The following SLC23A2 variants were observed in gnomAD, a reference collection of about 807,000 sequenced individuals.
SLC23A2 encodes the protein solute carrier family 23 member 2, also known as Na(+)/L-ascorbic acid transporter 2.
In SLC23A2, 36 loss-of-function variants were observed where a neutral mutation model predicts 73.3. That is an observed-to-expected ratio of 0.49 (90% CI 0.38 to 0.65). The LOEUF is 0.65. SLC23A2 is among the 30% of genes least tolerant of loss of function. The pLI is 0.00. For missense variants in SLC23A2, 507 were observed against 841.6 expected (o/e 0.60, Z 4.92); for synonymous variants, 343 against 327.3 (o/e 1.05, Z -0.52).
intron 8 of SLC23A2, among the ~76,000 whole-genome samples, chr20:4,884,300 C>T (rs4987219): frequency 6.6e-6 from 1 of 152,140 alleles, no homozygotes; most frequent in East Asian, 1.9e-4. Flanking sequence ...TTATCTCACA[C>T]GTTTTGGAAA....
intron 2 of SLC23A2, among the ~76,000 whole-genome samples, chr20:4,935,343 A>T (rs2086946035): frequency 6.6e-6 from 1 of 152,130 alleles, no homozygotes; most frequent in Non-Finnish European, 1.5e-5. Context: ...CAGAGCCTAA[A>T]ATGCCACATC....
chr20:4,943,012 G>A (rs1295591104), intron 2 of SLC23A2, among the ~76,000 whole-genome samples: 6 of 151,664 alleles, frequency 4.0e-5, no homozygotes, highest in Admixed American at 6.6e-5. Flanking sequence ...CCAAGAGTTC[G>A]AGATCAGCCT....
At chr20:4,930,405 A>G (rs138044202) in intron 3 of SLC23A2, among the ~76,000 whole-genome samples, 43 of 152,342 alleles carry the variant, frequency 2.8e-4, no homozygotes, top group African/African-American at 1.0e-3. Flanking sequence ...TCATTATAGG[A>G]AAAAAGAAAA....
intron 3 of SLC23A2, among the ~76,000 whole-genome samples, chr20:4,932,108 AAT>A (rs1932796823): frequency 6.6e-6 from 1 of 152,220 alleles, no homozygotes; most frequent in South Asian, 2.1e-4. Context: ...CCCAGCTTGC[AAT>A]ATGAGTGTGA....
chr20:4,927,126 C>T (rs957811387), intron 3 of SLC23A2, among the ~76,000 whole-genome samples: 3 of 152,030 alleles, frequency 2.0e-5, no homozygotes, highest in African/African-American at 7.3e-5. Context: ...AGCCACTAGC[C>T]ACGTGTGGCT....
intron 1 of SLC23A2, among the ~76,000 whole-genome samples, chr20:4,976,148 C>T (rs1190595946): frequency 1.3e-5 from 2 of 151,790 alleles, no homozygotes; most frequent in Non-Finnish European, 2.9e-5. Context: ...CCACCACGCC[C>T]GGCCAAGAGT....
upstream of SLC23A2, among the ~76,000 whole-genome samples, chr20:5,005,000 A>AAATAAAT (rs2088174951): frequency 1.4e-5 from 2 of 143,346 alleles, no homozygotes; most frequent in Non-Finnish European, 3.0e-5. Flanking sequence ...CTCCGTCTCA[A>AAATAAAT]AAATAAATAA....
intron 3 of SLC23A2, among the ~76,000 whole-genome samples, chr20:4,915,694 TC>T (rs1317591304): frequency 6.6e-6 from 1 of 152,192 alleles, no homozygotes; most frequent in Non-Finnish European, 1.5e-5. Context: ...ATGCCTGTAA[TC>T]CCAGCACTTT....
chr20:4,917,435 G>C (rs1401832270), intron 3 of SLC23A2, among the ~76,000 whole-genome samples: 2 of 152,126 alleles, frequency 1.3e-5, no homozygotes, highest in Non-Finnish European at 2.9e-5. Flanking sequence ...GCACAGCAGG[G>C]GGCACGGGAG....
At chr20:4,990,290 C>A (rs1363460426) in intron 1 of SLC23A2, among the ~76,000 whole-genome samples, 1 of 152,136 alleles carries the variant, frequency 6.6e-6, no homozygotes, top group African/African-American at 2.4e-5. Flanking sequence ...GAGACCAAGG[C>A]AGAGGATTAC....
intron 3 of SLC23A2, among the ~76,000 whole-genome samples, chr20:4,928,189 A>C (rs1326375774): frequency 1.3e-5 from 2 of 152,026 alleles, no homozygotes; most frequent in Non-Finnish European, 1.5e-5. Context: ...ACAGGCATGC[A>C]CCACCACGTC....
In SLC23A2 at chr20:4,962,853, C is replaced by G. The variant is rs550321645; in HGVS notation, c.-155+7940G>C. Among the ~76,000 whole-genome samples the G allele has an allele frequency of 2.0e-5, 3 of 152,144 alleles. No individual in the cohort carries two copies. In the South Asian group the frequency reaches 6.2e-4, roughly 32 times the overall value. ...TCTCTACTAAAAATACAAAATTAGC[C>G]GGGTGTGGTGGCATGCACCTGTAAT... On this transcript the variant is annotated intron_variant, in intron 2 of 16. Transcript: ENST00000338244.
intron 1 of SLC23A2, among the ~76,000 whole-genome samples, chr20:4,985,822 T>C (rs1033108159): frequency 2.0e-5 from 3 of 152,154 alleles, no homozygotes; most frequent in African/African-American, 7.2e-5. Context: ...GGATTAGTGT[T>C]GCCAGAGGCT....
chr20:4,975,381 ATTAC>A (rs2087627643), intron 1 of SLC23A2, among the ~76,000 whole-genome samples: 2 of 151,998 alleles, frequency 1.3e-5, no homozygotes, highest in South Asian at 4.1e-4. Flanking sequence ...ATTGTTTTTT[ATTAC>A]TTATTTATTT....
At position 4,983,019 on chromosome 20, in the gene SLC23A2, C is replaced by T. The variant is rs73612148; in HGVS notation, c.-281-12100G>A. 6.6e-5 allele frequency among the ~76,000 whole-genome samples: 10 copies of T among 151,772 alleles called. No homozygotes were observed. The South Asian group carries it at 1.7e-3, about 25-fold the overall frequency. On this transcript the variant is annotated intron_variant, in intron 1 of 16. Coordinates refer to ENST00000338244, the MANE Select transcript of SLC23A2 (RefSeq NM_005116.6). ...ACTCGGGAGGCTGAGGCAGGAGAAT[C>T]GCTTGAACCCAGGAGGCAGAGGTTG...
intron 1 of SLC23A2, among the ~76,000 whole-genome samples, chr20:4,999,678 C>A (rs1023849161): frequency 6.6e-6 from 1 of 151,960 alleles, no homozygotes; most frequent in South Asian, 2.1e-4. Context: ...CAGGTGTGAA[C>A]CACAACACCC....
At chr20:4,969,120 CTT>C (rs35716452) in intron 2 of SLC23A2, among the ~76,000 whole-genome samples, 58,536 of 150,176 alleles carry the variant, frequency 0.39, 11,740 homozygotes, top group Admixed American at 0.48. Flanking sequence ...GAGTTTCCCT[CTT>C]GTTACCCAGG....
At chr20:4,980,715 A>G (rs2087713606) in intron 1 of SLC23A2, among the ~76,000 whole-genome samples, 1 of 151,852 alleles carries the variant, frequency 6.6e-6, no homozygotes, top group South Asian at 2.1e-4. Context: ...TTTTTAGTAG[A>G]GATGGGGTTT....
At chr20:4,968,642 G>C (rs1027992949) in intron 2 of SLC23A2, among the ~76,000 whole-genome samples, 2 of 152,130 alleles carry the variant, frequency 1.3e-5, no homozygotes, top group African/African-American at 4.8e-5. Context: ...TCTAAGAAAA[G>C]AGCCAGGTGT....
Sources: allele counts gnomAD v4.1 joint callset (sites outside exome capture counted in the v4.1 genomes callset), GRCh38; gene constraint gnomAD v4.1.1; transcripts MANE v1.5; gene names NCBI Gene and HGNC (gene_info 2026-07-23, HGNC 2026-07-21).